The following PPM1F variants were observed in gnomAD, a reference collection of about 807,000 sequenced individuals.
PPM1F encodes protein phosphatase 1F.
In PPM1F, 17 loss-of-function variants were observed where a neutral mutation model predicts 35.5. The observed-to-expected ratio is 0.48, with a 90% CI of 0.33 to 0.72. The LOEUF (loss-of-function observed/expected upper bound fraction) is 0.72. PPM1F is among the 30% of genes least tolerant of loss of function. The pLI is 0.02. For synonymous variants in PPM1F, 241 were observed against 255.5 expected, an observed-to-expected ratio of 0.94 and a Z score of 0.54; for missense variants, 521 against 613.0, an observed-to-expected ratio of 0.85 and a Z score of 1.59.
At chr22:21,924,268 CTTTT>C (rs34519625) in intron 7 of PPM1F, among the ~76,000 whole-genome samples, 1 of 137,220 alleles carries the variant, frequency 7.3e-6, no homozygotes. Flanking sequence ...GCTGGACCCA[CTTTT>C]TTTTTTTTTT....
rs747505604 is a variant in PPM1F at position 21,945,975 on chromosome 22, G to A, written c.74C>T (p.Thr25Met). Residue 25 changes from threonine to methionine, a missense_variant, in exon 2 of 8, where the codon ACG becomes ATG. Coordinates refer to ENST00000263212, the MANE Select transcript of PPM1F (RefSeq NM_014634.4). ...GAEETPGFLDTLLQDFPALLN... is the reference protein window; with the variant it reads ...GAEETPGFLDMLLQDFPALLN... Reference sequence around the variant, plus strand: ...CAGGGCTGGGAAGTCTTGCAGGAGCGTGTCCAGGAAGCCTGGGGTCTCCTC... The same window carrying A: ...CAGGGCTGGGAAGTCTTGCAGGAGCATGTCCAGGAAGCCTGGGGTCTCCTC... 19 of 1,610,276 alleles carry A rather than the reference G, an allele frequency of 1.2e-5. No homozygotes were observed. The highest frequency in any genetic ancestry group is 1.7e-4 in the Middle Eastern group (1 of 6,008).
chr22:21,940,265 G>T (rs1193190312), intron 2 of PPM1F, among the ~76,000 whole-genome samples: 1 of 152,162 alleles, frequency 6.6e-6, no homozygotes. Flanking sequence ...ACGAGGTCAG[G>T]AGTTTGAGAC....
chr22:21,933,908 G>A (rs1234169431), intron 4 of PPM1F, 116 bp downstream of exon 4: 3 of 1,017,406 alleles, frequency 2.9e-6, no homozygotes, highest in Non-Finnish European at 4.3e-6. Context: ...TACAGGGGCT[G>A]ACGGGTGTCT....
chr22:21,942,815 C>A (rs1298792776), intron 2 of PPM1F: 1 of 152,364 alleles, frequency 6.6e-6, no homozygotes, highest in Non-Finnish European at 1.5e-5. Context: ...CCATGCAGAT[C>A]CACCCTGATT....
rs2070470816 is a variant in PPM1F, at chr22:21,923,348, T to A, written c.1109A>T (p.Glu370Val). The A allele has an allele frequency of 6.2e-7, 1 of 1,613,588 alleles. No individual in the cohort carries two copies. The highest frequency in any genetic ancestry group is 1.3e-5 in the African/African-American group (1 of 74,894). ...DGFFDVVPHQ[E>V]VVGLVQSHLT... The stretch of plus-strand genomic sequence containing the variant: ...GTGGCTCTGGACCAGGCCAACAACT[T>A]CCTGGTGGGGTACGACGTCAAAGAA... The change falls in exon 8 of 8, where the codon GAA becomes GTA. Residue 370 changes from glutamate to valine, a missense_variant. Glu to Val is a moderately radical substitution (Grantham distance 121). This residue lies in a region of PPM1F where 163 missense variants were observed against 169.6 expected (regional missense o/e 0.96). Transcript: ENST00000263212.
chr22:21,927,944 T>G (rs1450186153), intron 6 of PPM1F, among the ~76,000 whole-genome samples: 2 of 14,588 alleles, frequency 1.4e-4, no homozygotes, highest in Admixed American at 2.5e-3. Flanking sequence ...TTTGTTTTGT[T>G]TTTTTTTTTT....
chr22:21,944,887 G>A (rs771574916), intron 2 of PPM1F: 6 of 152,270 alleles, frequency 3.9e-5, no homozygotes, highest in Non-Finnish European at 7.3e-5. Context: ...AAATCTGCTC[G>A]GCTAGTTGTG....
chr22:21,925,358 A>G (rs2070499586), intron 7 of PPM1F: 2 of 521,686 alleles, frequency 3.8e-6, no homozygotes, highest in South Asian at 2.8e-5. Context: ...AGATAATAAC[A>G]TACAGTGTAA....
At chr22:21,924,515 C>T (rs1030158729) in intron 7 of PPM1F, among the ~76,000 whole-genome samples, 1 of 151,798 alleles carries the variant, frequency 6.6e-6, no homozygotes, top group Non-Finnish European at 1.5e-5. Context: ...AGGTGATCCA[C>T]CCGCCTTGGC....
At chr22:21,938,506 TTC>T (rs1822653216) in intron 3 of PPM1F, 1 of 1,094,926 alleles carries the variant, frequency 9.1e-7, no homozygotes, top group South Asian at 2.0e-5. Flanking sequence ...GGTATTCGCT[TTC>T]TCTCTCTTCT....
At chr22:21,936,287 A>G (rs2070657823) in intron 3 of PPM1F, 2 of 152,184 alleles carry the variant, frequency 1.3e-5, no homozygotes, top group Admixed American at 6.5e-5. Flanking sequence ...CTACAAGTCC[A>G]TGAAAAACCA....
chr22:21,922,946 G>T lies in PPM1F; in HGVS notation c.*146C>A. On this transcript the variant is annotated 3_prime_UTR_variant, in exon 8 of 8. Transcript: ENST00000263212. ...ACAGCCACCAGGACGGGCTGCGGGG[G>T]GTGTCCCGACTGGCTCTGGGGTGCT... The T allele has an allele frequency of 9.2e-7, 1 of 1,086,584 alleles. No individual in the cohort carries two copies. Among genetic ancestry groups the T allele is most frequent in the Non-Finnish European group, 1.3e-6 (1 of 753,546 alleles). The allele number at this position is 1,086,584 out of a possible 1,614,324, so 67.3% of individuals were successfully genotyped here.
At position 21,921,795 on chromosome 22, in the gene PPM1F, A is replaced by G. The variant is rs2070450751; in HGVS notation, c.*1297T>C. The G allele has an allele frequency of 6.6e-6, 1 of 152,236 alleles. No homozygotes were observed. The highest frequency in any genetic ancestry group is 1.5e-5 in the Non-Finnish European group (1 of 68,042). The allele number at this position is 152,236 out of a possible 1,614,324, so 9.4% of individuals were successfully genotyped here. ...AGACCAATTTGATTACAAATTCACA[A>G]GATATTTGGGAATGTTCCAATCACA... On this transcript the variant is annotated 3_prime_UTR_variant, in exon 8 of 8. Transcript: ENST00000263212.
rs1402260423 is a variant in PPM1F at position 21,919,514 on chromosome 22, G to T, written c.*3578C>A. On this transcript the variant is annotated 3_prime_UTR_variant, in exon 8 of 8. Transcript: ENST00000263212. The stretch of plus-strand genomic sequence containing the variant: ...TCTTGGGACTTGTCCCTAAGAATAG[G>T]GAAGACAGTCATCCTGTCCTGGAGC... 1 of 152,530 alleles carries T rather than the reference G, an allele frequency of 6.6e-6. No individual in the cohort carries two copies. Among genetic ancestry groups the T allele is most frequent in the Non-Finnish European group, 1.5e-5 (1 of 68,024 alleles). 9.4% of individuals were successfully genotyped at this position (152,530 alleles called of 1,614,324 possible).
At chr22:21,925,727 T>C (rs2070506503) in intron 6 of PPM1F, 65 bp from the exon 7 acceptor site, 3 of 1,327,910 alleles carry the variant, frequency 2.3e-6, no homozygotes, top group Non-Finnish European at 3.1e-6. Flanking sequence ...CCCCTGCTGC[T>C]ACCTGAGCAG....
intron 2 of PPM1F, 183 bp downstream of exon 2, chr22:21,945,660 G>C: frequency 1.7e-6 from 1 of 589,596 alleles, no homozygotes; most frequent in East Asian, 3.1e-5. Flanking sequence ...TGGCTGTGTT[G>C]AGTGCCCAGT....
chr22:21,933,955 A>T (rs1422920213), intron 4 of PPM1F, 69 bp downstream of exon 4: 1 of 1,440,190 alleles, frequency 6.9e-7, no homozygotes, highest in Non-Finnish European at 9.3e-7. Context: ...TCTTCTCGGT[A>T]CCTGGGGGGC....
At chr22:21,952,679 T>C (rs2070853611) in intron 1 of PPM1F, 113 bp downstream of exon 1, 3 of 152,388 alleles carry the variant, frequency 2.0e-5, no homozygotes, top group South Asian at 2.1e-4. Context: ...AGCCCTCTGA[T>C]TCCACCCCTC....
chr22:21,923,541 C>A, intron 7 of PPM1F, 70 bp from the exon 8 acceptor site: 11 of 1,506,568 alleles, frequency 7.3e-6, no homozygotes, highest in Non-Finnish European at 9.8e-6. Flanking sequence ...CCTACCCAGG[C>A]CTAGACCTCA....
Sources: gnomAD v4.1 joint callset for allele counts (sites outside exome capture counted in the v4.1 genomes callset) on GRCh38, gnomAD v4.1.1 for gene constraint, gnomAD v4.1.1 regional missense constraint, MANE v1.5 for transcripts, NCBI Gene and HGNC (gene_info 2026-07-23, HGNC 2026-07-21) for gene names.